HBS1L: variants seen among roughly 807,000 people sequenced by gnomAD.
The protein encoded by HBS1L is HBS1-like protein.
HBS1L carries 55 observed loss-of-function variants against 88.9 expected under a neutral mutation model. That is an observed-to-expected ratio of 0.62 (90% CI 0.50 to 0.77). HBS1L has a LOEUF of 0.77. HBS1L is among the 30% of genes least tolerant of loss of function. The probability of loss-of-function intolerance (pLI) is 0.00; values close to 1 mark genes in which losing one functional copy is unlikely to be tolerated. For missense variants in HBS1L, 741 were observed against 829.3 expected (o/e 0.89, Z 1.31); for synonymous variants, 267 against 288.5 (o/e 0.93, Z 0.76).
At chr6:135,048,727 G>A (rs1776989261) in intron 2 of HBS1L, among the ~76,000 whole-genome samples, 2 of 152,190 alleles carry the variant, frequency 1.3e-5, no homozygotes, top group African/African-American at 4.8e-5. Context: ...GATGTTAAAT[G>A]TTCTCTGATA....
intron 8 of HBS1L, among the ~76,000 whole-genome samples, chr6:134,989,965 C>T (rs1775085438): frequency 6.6e-6 from 1 of 152,140 alleles, no homozygotes; most frequent in Non-Finnish European, 1.5e-5. Context: ...ACTTACTTCA[C>T]AGAAACCCTA....
intron 4 of HBS1L, among the ~76,000 whole-genome samples, chr6:135,038,798 A>G (rs1226962346): frequency 6.6e-6 from 1 of 152,212 alleles, no homozygotes; most frequent in Non-Finnish European, 1.5e-5. Context: ...GCAAAGTAGT[A>G]TAATTATGAT....
chr6:135,050,282 G>A (rs1777041111), intron 2 of HBS1L, among the ~76,000 whole-genome samples: 1 of 152,154 alleles, frequency 6.6e-6, no homozygotes, highest in Non-Finnish European at 1.5e-5. Context: ...AGAGGCTTCA[G>A]AATTTCATTA....
chr6:134,979,760 A>G (rs140116726), intron 13 of HBS1L, among the ~76,000 whole-genome samples: 12 of 152,180 alleles, frequency 7.9e-5, no homozygotes, highest in African/African-American at 1.2e-4. Context: ...GGACATGTAC[A>G]CTCAGTCAGA....
At chr6:135,020,818 A>G (rs1219185477) in intron 4 of HBS1L, among the ~76,000 whole-genome samples, 1 of 152,000 alleles carries the variant, frequency 6.6e-6, no homozygotes, top group African/African-American at 2.4e-5. Context: ...ACAATGGAAT[A>G]CTATGAAATC....
At chr6:135,002,599 T>C in intron 5 of HBS1L, 135 bp downstream of exon 5, 1 of 593,662 alleles carries the variant, frequency 1.7e-6, no homozygotes, top group Non-Finnish European at 3.1e-6. Flanking sequence ...TACTATGTTA[T>C]ACTGAGGATA....
intron 1 of HBS1L, among the ~76,000 whole-genome samples, chr6:135,053,588 A>T (rs1356789154): frequency 6.6e-6 from 1 of 152,218 alleles, no homozygotes; most frequent in Non-Finnish European, 1.5e-5. Context: ...CAGAAAATTC[A>T]CATGTTCTAG....
chr6:134,982,849 G>T (rs1774871760), intron 12 of HBS1L: 3 of 190,092 alleles, frequency 1.6e-5, no homozygotes, highest in African/African-American at 2.4e-5. Flanking sequence ...TAAACTCTGG[G>T]GATAAAAAAA....
intron 4 of HBS1L, among the ~76,000 whole-genome samples, chr6:135,023,057 A>G (rs1195223630): frequency 6.6e-6 from 1 of 151,848 alleles, no homozygotes; most frequent in East Asian, 1.9e-4. Context: ...GAAAAAAATG[A>G]TCTTAGGGAA....
intron 4 of HBS1L, among the ~76,000 whole-genome samples, chr6:135,011,191 G>T (rs769463098): frequency 2.0e-5 from 3 of 152,104 alleles, no homozygotes; most frequent in Non-Finnish European, 2.9e-5. Flanking sequence ...AGGGACTTCA[G>T]GTAAGACAGA....
In HBS1L at chr6:134,966,245, A is replaced by G. The variant is rs1774310020; in HGVS notation, c.2043+84T>C. On this transcript the variant is annotated intron_variant, in intron 17 of 17. Coordinates refer to ENST00000367837, the MANE Select transcript of HBS1L (RefSeq NM_006620.4). ...CAATGCTTTTTCTTTCATTCCCTCA[A>G]TGCTTTCTTTTCATTCCTAAAAGGT... The G allele has an allele frequency of 7.2e-6, 9 of 1,244,732 alleles. No homozygotes were observed. In the South Asian group the frequency reaches 8.1e-5, roughly 11 times the overall value. 77.1% of individuals were successfully genotyped at this position (1,244,732 alleles called of 1,614,324 possible). A position where few individuals can be genotyped will look rare whatever the true frequency, so the allele number is the denominator to read the frequency against.
chr6:135,009,542 T>A (rs1775710238), intron 4 of HBS1L, among the ~76,000 whole-genome samples: 1 of 152,092 alleles, frequency 6.6e-6, no homozygotes, highest in Non-Finnish European at 1.5e-5. Context: ...TTTAAAAAAA[T>A]GGCTTTTTTC....
At chr6:134,968,775 T>A (rs1290024366) in intron 16 of HBS1L, among the ~76,000 whole-genome samples, 1 of 151,358 alleles carries the variant, frequency 6.6e-6, no homozygotes, top group South Asian at 2.1e-4. Context: ...AAACAAACTT[T>A]CCAGATGGGA....
At chr6:134,988,502 T>C (rs1775044414) in intron 8 of HBS1L, among the ~76,000 whole-genome samples, 3 of 147,514 alleles carry the variant, frequency 2.0e-5, no homozygotes, top group Admixed American at 2.0e-4. Flanking sequence ...CTTTAAAAGA[T>C]ACAAGCAAGC....
chr6:135,014,538 T>C (rs1394701550), intron 4 of HBS1L, among the ~76,000 whole-genome samples: 1 of 152,110 alleles, frequency 6.6e-6, no homozygotes, highest in Non-Finnish European at 1.5e-5. Context: ...TGACTGCAGC[T>C]GAACAAGTAC....
intron 10 of HBS1L, among the ~76,000 whole-genome samples, chr6:134,986,493 C>T (rs1246712691): frequency 6.6e-6 from 1 of 151,986 alleles, no homozygotes; most frequent in Non-Finnish European, 1.5e-5. Flanking sequence ...CCTATACCAT[C>T]TAATTTAATA....
chr6:134,967,084 A>G (rs1297001308), intron 16 of HBS1L, among the ~76,000 whole-genome samples: 2 of 152,214 alleles, frequency 1.3e-5, no homozygotes, highest in Admixed American at 1.3e-4. Flanking sequence ...ACAATATGAT[A>G]CTTGTAAAAT....
At chr6:134,971,783 C>T (rs1361346204) in intron 15 of HBS1L, among the ~76,000 whole-genome samples, 1 of 151,980 alleles carries the variant, frequency 6.6e-6, no homozygotes, top group Non-Finnish European at 1.5e-5. Flanking sequence ...GGAGTCCTGG[C>T]TTAATCACTT....
rs772067327 is a variant in HBS1L at position 134,961,739 on chromosome 6, T to C, written c.*3540A>G. ...TGAGCCCTCCTTAAAATTAGCTACA[T>C]GTGCTCAAATTCTTAGCAAGCCCCT... On this transcript the variant is annotated 3_prime_UTR_variant, in exon 18 of 18. Transcript: ENST00000367837. 6.6e-5 allele frequency: 10 copies of C among 152,152 alleles called. No homozygotes were observed. The highest frequency in any genetic ancestry group is 1.3e-4 in the Non-Finnish European group (9 of 68,040). 9.4% of individuals were successfully genotyped at this position (152,152 alleles called of 1,614,324 possible).
Sources: gnomAD v4.1 joint callset for allele counts (sites outside exome capture counted in the v4.1 genomes callset) on GRCh38, gnomAD v4.1.1 for gene constraint, MANE v1.5 for transcripts, NCBI Gene and HGNC (gene_info 2026-07-23, HGNC 2026-07-21) for gene names.